Variants in NTRK3 observed in about 807,000 individuals in gnomAD.
NTRK3 encodes neurotrophic receptor tyrosine kinase 3.
Under a neutral mutation model 91.7 loss-of-function variants are expected in NTRK3, and 24 were observed. The ratio of observed to expected loss-of-function variants is 0.26; its 90% CI spans 0.19 to 0.37. NTRK3 has a LOEUF of 0.37. NTRK3 is among the 10% of genes least tolerant of loss of function. NTRK3 has a pLI of 1.00. For missense variants in NTRK3, 880 were observed against 1,068.9 expected, an observed-to-expected ratio of 0.82 and a Z score of 2.46; for synonymous variants, 483 against 404.0, an observed-to-expected ratio of 1.20 and a Z score of -2.34.
chr15:88,100,968 T>C (rs1340586225), intron 13 of NTRK3, among the ~76,000 whole-genome samples: 2 of 152,220 alleles, frequency 1.3e-5, no homozygotes, highest in East Asian at 1.9e-4. Context: ...AAGGACTTCA[T>C]GTCTAAAACA....
At chr15:88,085,676 A>C (rs2048436073) in intron 13 of NTRK3, among the ~76,000 whole-genome samples, 1 of 152,184 alleles carries the variant, frequency 6.6e-6, no homozygotes, top group African/African-American at 2.4e-5. Context: ...ACTAAGATAC[A>C]TTGCTTACAA....
chr15:87,997,143 C>T (rs1342390049), intron 14 of NTRK3, among the ~76,000 whole-genome samples: 1 of 152,224 alleles, frequency 6.6e-6, no homozygotes, highest in African/African-American at 2.4e-5. Flanking sequence ...TGAGCTCAGT[C>T]TTCCCACCTG....
At chr15:88,217,588 G>T (rs1188079728) in intron 3 of NTRK3, among the ~76,000 whole-genome samples, 2 of 152,126 alleles carry the variant, frequency 1.3e-5, no homozygotes. Context: ...TGCCAGGGGA[G>T]GGGGGAATGG....
intron 14 of NTRK3, among the ~76,000 whole-genome samples, chr15:87,958,043 C>G (rs2071857964): frequency 6.6e-6 from 1 of 152,056 alleles, no homozygotes; most frequent in Non-Finnish European, 1.5e-5. Context: ...AAATGTCTAC[C>G]ATGTATTATA....
chr15:87,864,085 C>A (rs1158410440), exon 19 of NTRK3: 1 of 232,168 alleles, frequency 4.3e-6, no homozygotes, highest in African/African-American at 2.2e-5. Context: ...GTACACAAAT[C>A]TTTGCCAGAG....
intron 17 of NTRK3, among the ~76,000 whole-genome samples, chr15:87,890,679 G>C (rs1361222497): frequency 6.6e-6 from 1 of 152,014 alleles, no homozygotes; most frequent in Non-Finnish European, 1.5e-5. Context: ...TTTGGGAAAT[G>C]AAATCCTATG....
At chr15:88,088,440 C>T (rs1238971188) in intron 13 of NTRK3, among the ~76,000 whole-genome samples, 1 of 152,038 alleles carries the variant, frequency 6.6e-6, no homozygotes, top group African/African-American at 2.4e-5. Flanking sequence ...ACCTGGACAC[C>T]AGAATGAGCA....
intron 13 of NTRK3, among the ~76,000 whole-genome samples, chr15:88,054,382 C>T (rs952065825): frequency 6.6e-6 from 1 of 152,174 alleles, no homozygotes; most frequent in Non-Finnish European, 1.5e-5. Context: ...AGCCAGAACT[C>T]CTCATTCCTG....
intron 10 of NTRK3, among the ~76,000 whole-genome samples, 179 bp from the exon 11 acceptor site, chr15:88,128,913 G>T (rs887804262): frequency 6.6e-6 from 1 of 152,164 alleles, no homozygotes; most frequent in Admixed American, 6.5e-5. Context: ...ACCAGTTTAG[G>T]GGGTGGTCCT....
chr15:88,179,725 T>A (rs1020000911), intron 5 of NTRK3, among the ~76,000 whole-genome samples: 2 of 152,110 alleles, frequency 1.3e-5, no homozygotes, highest in African/African-American at 2.4e-5. Context: ...GTGGAGGAGA[T>A]CTCAACTCAG....
exon 19 of NTRK3, chr15:87,864,332 T>C (rs1251092218): frequency 4.3e-6 from 1 of 231,594 alleles, no homozygotes; most frequent in African/African-American, 2.2e-5. Flanking sequence ...CAATCAATCT[T>C]TTCTAGCCTG....
At chr15:87,880,483 T>C (rs964980143) in intron 17 of NTRK3, 55 bp from the exon 19 acceptor site, 8 of 1,577,974 alleles carry the variant, frequency 5.1e-6, no homozygotes, top group Non-Finnish European at 6.9e-6. Context: ...AGAATGAGTG[T>C]TATCTGTCTG....
chr15:88,006,978 A>T (rs2076539005), intron 14 of NTRK3, among the ~76,000 whole-genome samples: 1 of 152,172 alleles, frequency 6.6e-6, no homozygotes, highest in African/African-American at 2.4e-5. Context: ...TGGGAGAGGC[A>T]CAGGGAGCAC....
intron 14 of NTRK3, among the ~76,000 whole-genome samples, chr15:87,959,599 C>T (rs534082376): frequency 6.6e-6 from 1 of 152,310 alleles, no homozygotes; most frequent in South Asian, 2.1e-4. Context: ...CCAGCAAATA[C>T]CTAAACGTTT....
In NTRK3 at chr15:88,243,415, C is replaced by A. The variant is rs1014227154; in HGVS notation, c.248+12491G>T. Among the ~76,000 whole-genome samples the A allele has an allele frequency of 6.6e-6, 1 of 152,076 alleles. No homozygotes were observed. Among genetic ancestry groups the A allele is most frequent in the Non-Finnish European group, 1.5e-5 (1 of 68,012 alleles). On this transcript the variant is annotated intron_variant, in intron 3 of 18. Coordinates refer to ENST00000394480, the Ensembl canonical transcript of NTRK3. This position sits in a 1 kb window ranked among gnomAD's most constrained non-coding sequence, Gnocchi z 4.8. ...GCAAGGATGAGAGCCAGGGTCACCC[C>A]AAACCAGCCTCAGAGCTACTCCTCT... is the stretch of plus-strand genomic sequence containing the variant.
intron 14 of NTRK3, among the ~76,000 whole-genome samples, chr15:87,976,918 C>T (rs1379164500): frequency 1.3e-5 from 2 of 152,136 alleles, no homozygotes; most frequent in African/African-American, 4.8e-5. Flanking sequence ...GATAAAGGAT[C>T]CCCAACCCCA....
intron 5 of NTRK3, among the ~76,000 whole-genome samples, chr15:88,169,948 C>A (rs1208238812): frequency 1.3e-5 from 2 of 152,154 alleles, no homozygotes; most frequent in Non-Finnish European, 2.9e-5. Flanking sequence ...CCCAGGGAGC[C>A]CCAAGTCCTC....
intron 13 of NTRK3, among the ~76,000 whole-genome samples, chr15:88,110,099 C>T (rs1483907791): frequency 2.6e-5 from 4 of 152,106 alleles, no homozygotes; most frequent in Non-Finnish European, 5.9e-5. Flanking sequence ...AACTGAGATT[C>T]GACCTCAGCC....
At chr15:88,210,376 A>G (rs2049137735) in intron 3 of NTRK3, among the ~76,000 whole-genome samples, 1 of 152,170 alleles carries the variant, frequency 6.6e-6, no homozygotes, top group African/African-American at 2.4e-5. Context: ...AGATGGAAGA[A>G]ATTCTTAAAA....
Sources: allele counts gnomAD v4.1 joint callset (sites outside exome capture counted in the v4.1 genomes callset), GRCh38; gene constraint gnomAD v4.1.1; non-coding constraint Gnocchi (gnomAD v3.1); transcripts MANE v1.5; gene names NCBI Gene and HGNC (gene_info 2026-07-23, HGNC 2026-07-21).